The following RGPD1 variants were observed in gnomAD, a reference collection of about 807,000 sequenced individuals.
RGPD1 encodes RANBP2-like and GRIP domain-containing protein 1.
A neutral mutation model predicts 40.6 loss-of-function variants in RGPD1; 7 were observed. The observed-to-expected ratio is 0.17, with a 90% CI of 0.10 to 0.32. The LOEUF (loss-of-function observed/expected upper bound fraction) is 0.32. Ranked by LOEUF, RGPD1 falls within the 10% of genes least tolerant of loss-of-function variation. The pLI is 1.00. For synonymous variants in RGPD1, 24 were observed against 167.0 expected, an observed-to-expected ratio of 0.14 and a Z score of 6.60; for missense variants, 50 against 472.5, an observed-to-expected ratio of 0.11 and a Z score of 8.29.
intron 1 of RGPD1, chr2:86,930,636 C>T (rs1678874505): frequency 1.2e-5 from 20 of 1,611,456 alleles, no homozygotes; most frequent in Admixed American, 1.7e-5. Flanking sequence ...GCAGTGAACA[C>T]TCTCACAGAG....
At chr2:86,943,769 G>T (rs1350270625) in intron 1 of RGPD1, among the ~76,000 whole-genome samples, 1 of 152,184 alleles carries the variant, frequency 6.6e-6, no homozygotes, top group Non-Finnish European at 1.5e-5. Flanking sequence ...CCACCACTTT[G>T]GGAGGCCGAG....
At chr2:86,988,436 G>A (rs1408834167) in intron 20 of RGPD1, among the ~76,000 whole-genome samples, 1 of 78,964 alleles carries the variant, frequency 1.3e-5, no homozygotes, top group Non-Finnish European at 2.5e-5. Flanking sequence ...GTGAGACTTT[G>A]TCTCCAAAAA....
intron 1 of RGPD1, among the ~76,000 whole-genome samples, chr2:86,942,692 G>A (rs1289883733): frequency 7.0e-5 from 10 of 143,420 alleles, no homozygotes; most frequent in Admixed American, 3.4e-4. Flanking sequence ...GCCGGGCGGC[G>A]GTGGCCTCGA....
chr2:86,997,085 T>C (rs1479042847), intron 21 of RGPD1, among the ~76,000 whole-genome samples: 3 of 150,016 alleles, frequency 2.0e-5, no homozygotes, highest in Admixed American at 6.6e-5. Flanking sequence ...ATGCATCCTC[T>C]CCTCTTGTCA....
chr2:86,942,363 ACCTGGCCGGGC>A, intron 1 of RGPD1, 55 bp downstream of exon 1: 2 of 1,357,306 alleles, frequency 1.5e-6, no homozygotes, highest in Non-Finnish European at 1.9e-6. Context: ...GGCGGCCTCG[ACCTGGCCGGGC>A]GGCGGCCTCG....
At chr2:86,914,950 G>T (rs1265376288) in intron 1 of RGPD1, among the ~76,000 whole-genome samples, 35 of 140,862 alleles carry the variant, frequency 2.5e-4, no homozygotes, top group African/African-American at 8.8e-4. Flanking sequence ...GGCGGCGGCG[G>T]CGGCCTGGCC....
At chr2:87,007,709 T>C (rs1264203873) in intron 22 of RGPD1, among the ~76,000 whole-genome samples, 1 of 152,266 alleles carries the variant, frequency 6.6e-6, no homozygotes, top group Non-Finnish European at 1.5e-5. Context: ...AATTAGCTCT[T>C]AGAGAACCAC....
At chr2:86,928,445 GGAT>G (rs1271441750) in intron 1 of RGPD1, among the ~76,000 whole-genome samples, 6 of 152,100 alleles carry the variant, frequency 3.9e-5, no homozygotes, top group Non-Finnish European at 8.8e-5. Context: ...AGCTAATGGG[GGAT>G]TAAACAGAGG....
At chr2:86,960,608 G>A (rs1326519813) in intron 6 of RGPD1, among the ~76,000 whole-genome samples, 1 of 120,038 alleles carries the variant, frequency 8.3e-6, no homozygotes, top group Non-Finnish European at 1.7e-5. Flanking sequence ...TTTTTTTTTT[G>A]AGACGGAGTC....
chr2:86,924,721 C>T (rs1305795325), intron 1 of RGPD1, among the ~76,000 whole-genome samples: 1 of 151,688 alleles, frequency 6.6e-6, no homozygotes, highest in Non-Finnish European at 1.5e-5. Flanking sequence ...GTCCTCCTGC[C>T]CCTATCTCCC....
upstream of RGPD1, among the ~76,000 whole-genome samples, chr2:86,941,498 A>G (rs1679745032): frequency 6.8e-6 from 1 of 146,080 alleles, no homozygotes; most frequent in African/African-American, 2.6e-5. Context: ...TCCCGCCTCG[A>G]CCTCCCAAAG....
intron 1 of RGPD1, among the ~76,000 whole-genome samples, chr2:86,945,149 A>T: frequency 6.6e-6 from 1 of 152,126 alleles, no homozygotes; most frequent in East Asian, 1.9e-4. Flanking sequence ...ATGTTCTTTC[A>T]ACTACATAAC....
At chr2:86,941,430 C>T (rs1679740030), upstream of RGPD1, among the ~76,000 whole-genome samples, 1 of 149,948 alleles carries the variant, frequency 6.7e-6, no homozygotes, top group Non-Finnish European at 1.5e-5. Flanking sequence ...CTCTGGTGCC[C>T]AGGATGGAAT....
At position 86,914,084 on chromosome 2, in the gene RGPD1, G is replaced by A. The variant is rs1385644161; in HGVS notation, c.72+163G>A. ...TCGGCCTCGGCCCCGGCCTGGCCGG[G>A]CGGCGGCGGCGGCGGCGGCGGCGGC... On this transcript the variant is annotated intron_variant, in intron 1 of 22. Transcript: ENST00000398193. Among the ~76,000 whole-genome samples the A allele has an allele frequency of 4.3e-4, 19 of 43,964 alleles. 3 individuals carry two copies. Among genetic ancestry groups the A allele is most frequent in the South Asian group, 3.4e-3 (4 of 1,166 alleles). The allele number at this position is 43,964 out of a possible 152,430, so 28.8% of individuals were successfully genotyped here. A position where few individuals can be genotyped will look rare whatever the true frequency, so the allele number is the denominator to read the frequency against.
At position 87,000,284 on chromosome 2, in the gene RGPD1, T is replaced by C. The variant is rs1281483754; in HGVS notation, c.5236+2526T>C. Reference sequence around the variant, plus strand: ...ATACAACAATGATATTATCTCAAAATACTCAGCATGTCTAACAGGTCTCTT... The same window carrying C: ...ATACAACAATGATATTATCTCAAAACACTCAGCATGTCTAACAGGTCTCTT... On this transcript the variant is annotated intron_variant, in intron 22 of 22. Coordinates refer to ENST00000641458, the MANE Select transcript of RGPD1 (RefSeq NM_001382344.1). Among the ~76,000 whole-genome samples, 2 of 136,010 alleles carry C rather than the reference T, an allele frequency of 1.5e-5. 1 individual carries two copies. The highest frequency in any genetic ancestry group is 6.9e-5 in the African/African-American group (2 of 28,786). The allele number at this position is 136,010 out of a possible 152,430, so 89.2% of individuals were successfully genotyped here. A position where few individuals can be genotyped will look rare whatever the true frequency, so the allele number is the denominator to read the frequency against.
chr2:86,954,668 C>T (rs1219108709), intron 4 of RGPD1, among the ~76,000 whole-genome samples: 2 of 129,822 alleles, frequency 1.5e-5, no homozygotes, highest in Non-Finnish European at 3.3e-5. Flanking sequence ...TGAAATACTT[C>T]TGGTCTCAAG....
intron 1 of RGPD1, among the ~76,000 whole-genome samples, chr2:86,914,102 G>A (rs866970585): frequency 0.014 from 756 of 53,190 alleles, 189 homozygotes; most frequent in African/African-American, 0.029. Flanking sequence ...GGCGGCGGCG[G>A]CGGCGGCGGC....
At chr2:86,941,715 C>T (rs1294969369), upstream of RGPD1, among the ~76,000 whole-genome samples, 4 of 143,222 alleles carry the variant, frequency 2.8e-5, no homozygotes, top group East Asian at 3.9e-4. Flanking sequence ...TTTGAGAATG[C>T]GCTTTGTTTT....
At chr2:86,978,053 G>GTCTT in intron 17 of RGPD1, 122 bp downstream of exon 17, 1 of 765,174 alleles carries the variant, frequency 1.3e-6, no homozygotes, top group Non-Finnish European at 1.9e-6. Flanking sequence ...TATGGCAAGG[G>GTCTT]GACATTTTGG....
Sources: gnomAD v4.1 joint callset for allele counts (sites outside exome capture counted in the v4.1 genomes callset) on GRCh38, gnomAD v4.1.1 for gene constraint, MANE v1.5 for transcripts, NCBI Gene and HGNC (gene_info 2026-07-23, HGNC 2026-07-21) for gene names.